Variants in UNC45B observed in about 807,000 individuals in gnomAD.
UNC45B encodes protein unc-45 homolog B.
UNC45B carries 78 observed loss-of-function variants against 98.7 expected under a neutral mutation model. The observed-to-expected ratio is 0.79, with a 90% confidence interval of 0.66 to 0.95. The LOEUF (loss-of-function observed/expected upper bound fraction) is 0.95. Among genes scored for constraint, UNC45B ranks in the 40% least tolerant of loss-of-function variants. UNC45B has a pLI of 0.00. For synonymous variants in UNC45B, 462 were observed against 480.4 expected (o/e 0.96, Z 0.50); for missense variants, 1,225 against 1,184.9 (o/e 1.03, Z -0.50).
At chr17:35,166,414 C>G (rs2092141680) in intron 9 of UNC45B, among the ~76,000 whole-genome samples, 1 of 152,158 alleles carries the variant, frequency 6.6e-6, no homozygotes, top group East Asian at 1.9e-4. Context: ...TTCAACTTTT[C>G]CTGCTGACTT....
Position 35,176,045 on chromosome 17 carries a change from A to G in UNC45B, c.2025+11A>G. ...CAAGGTGGTGGCAAGGTAACTGGGC[A>G]GGTGCCTTCCTAGAAGGTGCCTTTG... On this transcript the variant is annotated intron_variant, in intron 15 of 19. Coordinates refer to ENST00000394570, the MANE Select transcript of UNC45B (RefSeq NM_001267052.2). 6.2e-7 allele frequency: 1 copy of G among 1,613,886 alleles called. No homozygotes were observed. Among genetic ancestry groups the G allele is most frequent in the Non-Finnish European group, 8.5e-7 (1 of 1,179,870 alleles).
intron 11 of UNC45B, 38 bp downstream of exon 11, chr17:35,169,969 A>C (rs755526342): frequency 3.1e-6 from 5 of 1,611,736 alleles, no homozygotes; most frequent in African/African-American, 1.3e-5. Context: ...CCATCTCCTC[A>C]TGCGCCTTCC....
At chr17:35,161,792 G>A (rs1268147470) in intron 8 of UNC45B, among the ~76,000 whole-genome samples, 1 of 152,046 alleles carries the variant, frequency 6.6e-6, no homozygotes, top group African/African-American at 2.4e-5. Context: ...GCAATTACAG[G>A]ATTGGAACTT....
chr17:35,160,347 G>A (rs187834649), intron 8 of UNC45B, among the ~76,000 whole-genome samples: 1 of 152,206 alleles, frequency 6.6e-6, no homozygotes. Flanking sequence ...TAAAAGGAAA[G>A]GCAGTTTCTT....
At chr17:35,182,470 G>T (rs1387063646) in intron 18 of UNC45B, among the ~76,000 whole-genome samples, 4 of 152,142 alleles carry the variant, frequency 2.6e-5, no homozygotes, top group Non-Finnish European at 5.9e-5. Flanking sequence ...CACACTGGGA[G>T]TGGATTCCAT....
At chr17:35,178,377 T>C (rs1285919476) in intron 17 of UNC45B, among the ~76,000 whole-genome samples, 2 of 152,362 alleles carry the variant, frequency 1.3e-5, no homozygotes, top group Middle Eastern at 3.4e-3. Flanking sequence ...TTGCCCACTT[T>C]TTGATGCGGT....
intron 6 of UNC45B, among the ~76,000 whole-genome samples, 176 bp downstream of exon 6, chr17:35,154,917 T>C (rs1384556215): frequency 6.6e-6 from 1 of 152,272 alleles, no homozygotes; most frequent in Non-Finnish European, 1.5e-5. Flanking sequence ...AAAGACAAGT[T>C]ACTGAAAGTG....
At chr17:35,156,433 C>T (rs1255501644) in intron 7 of UNC45B, among the ~76,000 whole-genome samples, 1 of 152,144 alleles carries the variant, frequency 6.6e-6, no homozygotes, top group African/African-American at 2.4e-5. Flanking sequence ...CAAGACCAGC[C>T]TGACCAACAT....
At chr17:35,170,023 A>G in intron 11 of UNC45B, 91 bp from the exon 12 acceptor site, 4 of 1,605,586 alleles carry the variant, frequency 2.5e-6, no homozygotes, top group Non-Finnish European at 3.4e-6. Context: ...TGTGAAAGGG[A>G]CCTCACCCCT....
chr17:35,170,083 C>T (rs768609938), intron 11 of UNC45B, 31 bp from the exon 12 acceptor site: 73 of 1,602,282 alleles, frequency 4.6e-5, no homozygotes, highest in Non-Finnish European at 5.9e-5. Flanking sequence ...CCCTGGGCCC[C>T]TTCCCATGTG....
At chr17:35,154,953 A>G (rs531079149) in intron 6 of UNC45B, among the ~76,000 whole-genome samples, 20 of 152,374 alleles carry the variant, frequency 1.3e-4, no homozygotes, top group African/African-American at 4.3e-4. Flanking sequence ...ATGAATGCAA[A>G]GGCTATGATA....
intron 12 of UNC45B, 146 bp from the exon 13 acceptor site, chr17:35,171,176 C>A: frequency 1.0e-6 from 1 of 970,624 alleles, no homozygotes; most frequent in Non-Finnish European, 1.5e-6. Context: ...TCCTCTCCTG[C>A]GCTGCTGTCT....
chr17:35,163,544 G>C (rs913411085), intron 8 of UNC45B, among the ~76,000 whole-genome samples: 2 of 152,170 alleles, frequency 1.3e-5, no homozygotes, highest in African/African-American at 4.8e-5. Flanking sequence ...CATTTATTGA[G>C]TCATAGTAGT....
At chr17:35,171,176 CGCT>C in intron 12 of UNC45B, 143 bp from the exon 13 acceptor site, 1 of 970,628 alleles carries the variant, frequency 1.0e-6, no homozygotes, top group Non-Finnish European at 1.5e-6. Context: ...TCCTCTCCTG[CGCT>C]GCTGTCTTTC....
intron 8 of UNC45B, among the ~76,000 whole-genome samples, chr17:35,159,822 A>G (rs1005201124): frequency 6.6e-6 from 1 of 152,208 alleles, no homozygotes; most frequent in Non-Finnish European, 1.5e-5. Context: ...GACTCCACCA[A>G]CCACAGGATA....
chr17:35,154,522 G>A, intron 5 of UNC45B, 52 bp from the exon 6 acceptor site: 1 of 1,584,122 alleles, frequency 6.3e-7, no homozygotes, highest in East Asian at 2.3e-5. Flanking sequence ...CATGGTCCAG[G>A]CCTGGGTGGC....
intron 17 of UNC45B, among the ~76,000 whole-genome samples, chr17:35,178,162 A>T (rs2092249305): frequency 6.6e-6 from 1 of 152,194 alleles, no homozygotes; most frequent in African/African-American, 2.4e-5. Context: ...GGTCTCCCAA[A>T]GTGCTTGGAT....
chr17:35,157,499 G>A (rs1187214784), intron 7 of UNC45B, among the ~76,000 whole-genome samples: 1 of 152,122 alleles, frequency 6.6e-6, no homozygotes, highest in Non-Finnish European at 1.5e-5. Flanking sequence ...ACCATACCTG[G>A]CCACATTTAT....
At chr17:35,157,554 A>C (rs1666727409) in intron 7 of UNC45B, among the ~76,000 whole-genome samples, 1 of 152,166 alleles carries the variant, frequency 6.6e-6, no homozygotes, top group African/African-American at 2.4e-5. Flanking sequence ...GCACTGGGTC[A>C]AAGGCTATGA....
Sources: gnomAD v4.1 joint callset for allele counts (sites outside exome capture counted in the v4.1 genomes callset) on GRCh38, gnomAD v4.1.1 for gene constraint, MANE v1.5 for transcripts, NCBI Gene and HGNC (gene_info 2026-07-23, HGNC 2026-07-21) for gene names.